Variants in PCSK5 observed in about 807,000 individuals in gnomAD.
PCSK5 encodes proprotein convertase subtilisin/kexin type 5.
PCSK5 carries 129 observed loss-of-function variants against 233.2 expected under a neutral mutation model. That is an observed-to-expected ratio of 0.55 (90% CI 0.48 to 0.64). The LOEUF (loss-of-function observed/expected upper bound fraction) is 0.64. Among genes scored for constraint, PCSK5 ranks in the 30% least tolerant of loss-of-function variants. The pLI is 0.00. For synonymous variants in PCSK5, 825 were observed against 879.2 expected (o/e 0.94, Z 1.09); for missense variants, 2,076 against 2,430.1 (o/e 0.85, Z 3.06).
At chr9:75,931,712 C>G (rs903011882) in intron 1 of PCSK5, among the ~76,000 whole-genome samples, 6 of 152,166 alleles carry the variant, frequency 3.9e-5, no homozygotes, top group African/African-American at 1.4e-4. Flanking sequence ...AATGAGAGGA[C>G]TAGAATGTTA....
chr9:76,070,327 A>C (rs932527297), intron 6 of PCSK5, among the ~76,000 whole-genome samples: 1 of 152,208 alleles, frequency 6.6e-6, no homozygotes, highest in South Asian at 2.1e-4. Context: ...ACTTGTTCAC[A>C]GCTTTCATTC....
chr9:76,044,882 C>T (rs2185230), intron 5 of PCSK5, among the ~76,000 whole-genome samples: 36,629 of 152,078 alleles, frequency 0.24, 4,584 homozygotes, highest in Middle Eastern at 0.32. Context: ...GCTATGAAGA[C>T]TATTTCTGCT....
intron 28 of PCSK5, among the ~76,000 whole-genome samples, chr9:76,303,481 A>T (rs1587851285): frequency 6.6e-6 from 1 of 152,242 alleles, no homozygotes; most frequent in Non-Finnish European, 1.5e-5. Flanking sequence ...ATGAAAACTC[A>T]TGTCTTTATA....
At chr9:76,340,213 T>C (rs1829790381) in intron 35 of PCSK5, among the ~76,000 whole-genome samples, 1 of 152,198 alleles carries the variant, frequency 6.6e-6, no homozygotes, top group African/African-American at 2.4e-5. Context: ...AGGATTATAC[T>C]ACATTCATTG....
intron 9 of PCSK5, among the ~76,000 whole-genome samples, chr9:76,110,241 C>T (rs1832155969): frequency 6.6e-6 from 1 of 152,002 alleles, no homozygotes; most frequent in Admixed American, 6.6e-5. Flanking sequence ...TGCCAGGGTT[C>T]ATTCAGTAAC....
intron 1 of PCSK5, among the ~76,000 whole-genome samples, chr9:75,905,335 C>T (rs1483460687): frequency 1.3e-5 from 2 of 152,040 alleles, no homozygotes; most frequent in Non-Finnish European, 2.9e-5. Flanking sequence ...AAAGTGACAC[C>T]TTCTGGTCTC....
intron 9 of PCSK5, among the ~76,000 whole-genome samples, chr9:76,121,814 GTTTTTTTTTTTTTT>G (rs568155033): frequency 1.6e-5 from 1 of 61,756 alleles, no homozygotes; most frequent in African/African-American, 4.6e-5. Flanking sequence ...TCTTGTATTG[GTTTTTTTTTTTTTT>G]TTTTTTTTTT....
intron 24 of PCSK5, among the ~76,000 whole-genome samples, chr9:76,246,128 T>C (rs1315616336): frequency 6.6e-6 from 1 of 151,738 alleles, no homozygotes; most frequent in Non-Finnish European, 1.5e-5. Context: ...ATCACTTGAG[T>C]TCAGGAGTTT....
intron 5 of PCSK5, among the ~76,000 whole-genome samples, chr9:76,043,753 G>T (rs906862591): frequency 2.0e-5 from 3 of 152,022 alleles, no homozygotes; most frequent in Non-Finnish European, 4.4e-5. Flanking sequence ...TGTATTTTTG[G>T]TAGAGACAGT....
At chr9:76,350,141 C>T (rs1266118435) in intron 35 of PCSK5, among the ~76,000 whole-genome samples, 1 of 150,926 alleles carries the variant, frequency 6.6e-6, no homozygotes, top group East Asian at 1.9e-4. Flanking sequence ...AAAGACAGAT[C>T]AACGGATTAT....
intron 3 of PCSK5, among the ~76,000 whole-genome samples, chr9:76,021,360 G>T (rs1028087353): frequency 8.7e-5 from 5 of 57,400 alleles, no homozygotes; most frequent in African/African-American, 8.6e-4. Context: ...TGTGTGTGTG[G>T]GTGTGGGTTG....
At chr9:75,972,487 G>A (rs551726038) in intron 2 of PCSK5, among the ~76,000 whole-genome samples, 59 of 152,224 alleles carry the variant, frequency 3.9e-4, no homozygotes, top group African/African-American at 1.4e-3. Context: ...CCATTTTCAC[G>A]ATGTTGATTC....
At chr9:76,134,027 C>CT (rs1822870146) in intron 9 of PCSK5, 82 bp from the exon 10 acceptor site, 1 of 979,318 alleles carries the variant, frequency 1.0e-6, no homozygotes, top group Non-Finnish European at 1.6e-6. Context: ...TTTGATTTTG[C>CT]TTTTTTAATT....
intron 5 of PCSK5, among the ~76,000 whole-genome samples, chr9:76,045,344 T>C (rs993103235): frequency 1.3e-5 from 2 of 152,230 alleles, no homozygotes; most frequent in Non-Finnish European, 2.9e-5. Flanking sequence ...ATTTCAACAT[T>C]CTTATTCAAA....
Position 76,159,100 on chromosome 9 carries a change from C to T in PCSK5, c.1548C>T (p.His516=). ...EHVVVRITIT[H]PRRGDLAIYL... Reference sequence around the variant, plus strand: ...TCGTTGTGCGCATCACCATCACCCACCCCAGGAGAGGAGACCTGGCCATCT... The same window carrying T: ...TCGTTGTGCGCATCACCATCACCCATCCCAGGAGAGGAGACCTGGCCATCT... The change falls in exon 12 of 38, where the codon CAC becomes CAT. Residue 516 remains histidine (H), a synonymous_variant. Coordinates refer to ENST00000674117, the MANE Select transcript of PCSK5 (RefSeq NM_001372043.1). The T allele has an allele frequency of 6.2e-7, 1 of 1,614,160 alleles. No individual in the cohort carries two copies. Among genetic ancestry groups the T allele is most frequent in the Non-Finnish European group, 8.5e-7 (1 of 1,180,016 alleles).
chr9:75,983,545 T>C lies in PCSK5; in HGVS notation c.298-2587T>C, dbSNP rs534992136. 9.9e-5 allele frequency among the ~76,000 whole-genome samples: 15 copies of C among 152,262 alleles called. No individual in the cohort carries two copies. The East Asian group carries it at 2.5e-3, about 26-fold the overall frequency. ...GAGGGAGGGAGTGTCCCGGAAATCA[T>C]GTAGCACATGTATGTTTAAATTAAC... On this transcript the variant is annotated intron_variant, in intron 2 of 37. Transcript: ENST00000674117.
chr9:76,216,933 C>T (rs780751495), intron 20 of PCSK5, among the ~76,000 whole-genome samples: 11 of 152,114 alleles, frequency 7.2e-5, no homozygotes, highest in African/African-American at 2.2e-4. Flanking sequence ...CTCCATCTCC[C>T]GGGTTCAAGC....
chr9:75,897,572 C>T (rs1328509931), intron 1 of PCSK5, among the ~76,000 whole-genome samples: 1 of 148,242 alleles, frequency 6.7e-6, no homozygotes, highest in Admixed American at 6.8e-5. Flanking sequence ...CAGCTCGCTG[C>T]AACCGCTGCC....
chr9:76,244,601 G>T (rs1369348251), intron 24 of PCSK5, among the ~76,000 whole-genome samples: 4 of 138,684 alleles, frequency 2.9e-5, no homozygotes, highest in Non-Finnish European at 4.6e-5. Flanking sequence ...TTCCTTTCCA[G>T]CTATTTAGTG....
Sources: allele counts gnomAD v4.1 joint callset (sites outside exome capture counted in the v4.1 genomes callset), GRCh38; gene constraint gnomAD v4.1.1; transcripts MANE v1.5; gene names NCBI Gene and HGNC (gene_info 2026-07-23, HGNC 2026-07-21).